Variants in UBL3 observed in about 807,000 individuals in gnomAD.
The protein encoded by UBL3 is ubiquitin like 3.
UBL3 carries 6 observed loss-of-function variants against 18.4 expected under a neutral mutation model. The observed-to-expected ratio is 0.33, with a 90% CI of 0.18 to 0.64. UBL3 has a LOEUF of 0.64. Among genes scored for constraint, UBL3 ranks in the 30% least tolerant of loss-of-function variants. The probability of loss-of-function intolerance (pLI) is 0.76; values close to 1 mark genes in which losing one functional copy is unlikely to be tolerated. For missense variants in UBL3, 109 were observed against 142.9 expected (o/e 0.76, Z 1.21); for synonymous variants, 49 against 46.6 (o/e 1.05, Z -0.21).
In UBL3 at chr13:29,776,274, T is replaced by G. The variant is rs1185121879; in HGVS notation, c.136+881A>C. Among the ~76,000 whole-genome samples, 5 of 146,610 alleles carry G rather than the reference T, an allele frequency of 3.4e-5. No homozygotes were observed. The East Asian group carries it at 6.0e-4, about 18-fold the overall frequency. On this transcript the variant is annotated intron_variant, in intron 2 of 4. Coordinates refer to ENST00000380680, the MANE Select transcript of UBL3 (RefSeq NM_007106.4). Reference sequence around the variant, plus strand: ...TTTCTTTTCTTTCTTTTTTTTTTTTTTTTTTTGAGACAGGGTCTTGCTCTG... The same window carrying G: ...TTTCTTTTCTTTCTTTTTTTTTTTTGTTTTTTGAGACAGGGTCTTGCTCTG...
chr13:29,817,720 T>G (rs1476892163), intron 1 of UBL3, among the ~76,000 whole-genome samples: 1 of 152,210 alleles, frequency 6.6e-6, no homozygotes, highest in East Asian at 1.9e-4. Context: ...AATTCACATG[T>G]ACATGTGTGC....
chr13:29,835,541 G>A (rs944425852), intron 1 of UBL3, among the ~76,000 whole-genome samples: 3 of 151,636 alleles, frequency 2.0e-5, no homozygotes, highest in South Asian at 2.1e-4. Context: ...TGGATCATGA[G>A]GTCAAGAAAT....
chr13:29,820,000 G>A (rs1426907425), intron 1 of UBL3, among the ~76,000 whole-genome samples: 1 of 152,048 alleles, frequency 6.6e-6, no homozygotes, highest in African/African-American at 2.4e-5. Context: ...GATGATTTAT[G>A]GTGTTCCCAT....
At chr13:29,805,899 G>A (rs540060972) in intron 1 of UBL3, among the ~76,000 whole-genome samples, 9 of 152,278 alleles carry the variant, frequency 5.9e-5, no homozygotes, top group East Asian at 5.8e-4. Flanking sequence ...CCTTGTGGCC[G>A]GACATGGTGG....
chr13:29,774,851 T>C (rs1017273322), intron 2 of UBL3, among the ~76,000 whole-genome samples: 4 of 152,198 alleles, frequency 2.6e-5, no homozygotes, highest in African/African-American at 9.6e-5. Flanking sequence ...ATAGTGACTT[T>C]ATAACCCAAG....
chr13:29,835,157 TATATATATATA>T (rs1878923681), intron 1 of UBL3, among the ~76,000 whole-genome samples: 1 of 54,336 alleles, frequency 1.8e-5, no homozygotes, highest in Non-Finnish European at 3.1e-5. Flanking sequence ...TATATATATA[TATATATATATA>T]TATATATATA....
At chr13:29,791,209 T>A (rs555989994) in intron 1 of UBL3, among the ~76,000 whole-genome samples, 1 of 152,304 alleles carries the variant, frequency 6.6e-6, no homozygotes, top group East Asian at 1.9e-4. Context: ...CCTTACCCAA[T>A]TACTAATTCT....
At chr13:29,802,182 A>G (rs1877788858) in intron 1 of UBL3, among the ~76,000 whole-genome samples, 1 of 152,232 alleles carries the variant, frequency 6.6e-6, no homozygotes, top group African/African-American at 2.4e-5. Flanking sequence ...TTAAACTTCA[A>G]CACCAAAAAT....
chr13:29,828,501 T>C (rs145917507), intron 1 of UBL3, among the ~76,000 whole-genome samples: 4,745 of 152,310 alleles, frequency 0.031, 247 homozygotes, highest in African/African-American at 0.11. Context: ...GTCACGTAGT[T>C]CTCATGCCAT....
chr13:29,783,272 A>T (rs1877225527), intron 1 of UBL3, among the ~76,000 whole-genome samples: 1 of 152,238 alleles, frequency 6.6e-6, no homozygotes, highest in Non-Finnish European at 1.5e-5. Flanking sequence ...TTGAAAAGTA[A>T]AATTAATTCT....
chr13:29,812,688 T>C (rs188523239), intron 1 of UBL3, among the ~76,000 whole-genome samples: 1 of 152,198 alleles, frequency 6.6e-6, no homozygotes, highest in African/African-American at 2.4e-5. Flanking sequence ...TGTTTGGAAC[T>C]TGGATATATG....
chr13:29,804,535 G>A (rs1877852533), intron 1 of UBL3, among the ~76,000 whole-genome samples: 1 of 152,000 alleles, frequency 6.6e-6, no homozygotes, highest in South Asian at 2.1e-4. Flanking sequence ...ACAAATCCAG[G>A]AGTTGGTTAT....
At chr13:29,774,888 G>A (rs537660539) in intron 2 of UBL3, among the ~76,000 whole-genome samples, 22 of 152,146 alleles carry the variant, frequency 1.4e-4, no homozygotes, top group Middle Eastern at 6.8e-3. Context: ...TAGTACTCAC[G>A]TGTGCATTAA....
At chr13:29,770,995 AC>A (rs765284166) in intron 3 of UBL3, among the ~76,000 whole-genome samples, 9 of 152,152 alleles carry the variant, frequency 5.9e-5, no homozygotes, top group Admixed American at 2.6e-4. Context: ...GCATTCATCT[AC>A]TTTAGCCCTT....
rs181910892 is a variant in UBL3, at chr13:29,798,511, A to G, written c.28-21248T>C. ...TGTAGATGCAGCTCTAAAAAAGAAG[A>G]GGCCACAGTCCATAAGCTTACTAAC... On this transcript the variant is annotated intron_variant, in intron 1 of 4. Transcript: ENST00000380680. Among the ~76,000 whole-genome samples the G allele has an allele frequency of 9.2e-4, 140 of 152,316 alleles. 1 individual carries two copies. The highest frequency in any genetic ancestry group is 3.3e-3 in the African/African-American group (137 of 41,576).
At chr13:29,780,367 A>AAAAAAAAAAAAAT (rs1359464345) in intron 1 of UBL3, among the ~76,000 whole-genome samples, 29 of 103,300 alleles carry the variant, frequency 2.8e-4, no homozygotes, top group African/African-American at 4.8e-4. Context: ...AAAAAAAAAA[A>AAAAAAAAAAAAAT]ATATATATAT....
chr13:29,782,050 T>A (rs991453365), intron 1 of UBL3, among the ~76,000 whole-genome samples: 1 of 151,866 alleles, frequency 6.6e-6, no homozygotes, highest in African/African-American at 2.4e-5. Flanking sequence ...CTACTTTTTA[T>A]AGAAAACATT....
chr13:29,835,096 ATATATATATAAATATAT>A (rs1878890157), intron 1 of UBL3, among the ~76,000 whole-genome samples: 1 of 24,870 alleles, frequency 4.0e-5, no homozygotes, highest in Non-Finnish European at 6.9e-5. Context: ...ATAAATATAT[ATATATATATAAATATAT>A]ATATATATAT....
chr13:29,836,363 T>C (rs71427283), intron 1 of UBL3, among the ~76,000 whole-genome samples: 33,390 of 147,590 alleles, frequency 0.23, 3,917 homozygotes, highest in Non-Finnish European at 0.26. Context: ...AATAAACAAA[T>C]AAATAAATAA....
Sources: allele counts gnomAD v4.1 joint callset (sites outside exome capture counted in the v4.1 genomes callset), GRCh38; gene constraint gnomAD v4.1.1; transcripts MANE v1.5; gene names NCBI Gene and HGNC (gene_info 2026-07-23, HGNC 2026-07-21).